The following C12orf75 variants were observed in gnomAD, a reference collection of about 807,000 sequenced individuals.
C12orf75 encodes chromosome 12 open reading frame 75.
Under a neutral mutation model 11.4 loss-of-function variants are expected in C12orf75, and 4 were observed. The ratio of observed to expected loss-of-function variants is 0.35; its 90% CI spans 0.17 to 0.80. C12orf75 has a LOEUF of 0.80. C12orf75 is among the 30% of genes least tolerant of loss of function. The pLI, the probability that C12orf75 is intolerant of heterozygous loss-of-function variation, is 0.52. For synonymous variants in C12orf75, 30 were observed against 30.0 expected, an observed-to-expected ratio of 1.00 and a Z score of 0.00; for missense variants, 89 against 80.4, an observed-to-expected ratio of 1.11 and a Z score of -0.41.
intron 1 of C12orf75, among the ~76,000 whole-genome samples, chr12:105,346,187 C>T (rs1314336682): frequency 2.0e-5 from 3 of 152,116 alleles, no homozygotes; most frequent in African/African-American, 7.2e-5. Flanking sequence ...TGAGTTGTCC[C>T]GGACCAAACC....
At chr12:105,348,489 T>C (rs1287706579) in intron 1 of C12orf75, 113 bp from the exon 2 acceptor site, 8 of 614,532 alleles carry the variant, frequency 1.3e-5, no homozygotes, top group Non-Finnish European at 1.8e-5. Context: ...TTGAAAATTT[T>C]TTTAAACCCA....
At chr12:105,347,702 C>T (rs1892656824) in intron 1 of C12orf75, among the ~76,000 whole-genome samples, 1 of 152,176 alleles carries the variant, frequency 6.6e-6, no homozygotes, top group African/African-American at 2.4e-5. Context: ...TTGTCAGCAC[C>T]CTCACAGACA....
rs1280017694 is a variant in C12orf75 at position 105,366,714 on chromosome 12, C to T, written c.187+18C>T. ...TCGGAAAAGTAAGTGAAATCATGTG[C>T]TGTTGATTTTCCCTAATTATTTATT... On this transcript the variant is annotated intron_variant, in intron 4 of 5. Transcript: ENST00000443585. 1.3e-5 allele frequency: 17 copies of T among 1,339,808 alleles called. No individual in the cohort carries two copies. Among genetic ancestry groups the T allele is most frequent in the Non-Finnish European group, 1.7e-5 (16 of 959,268 alleles). 83.0% of individuals were successfully genotyped at this position (1,339,808 alleles called of 1,614,324 possible).
At chr12:105,354,955 G>C (rs1322750743) in intron 2 of C12orf75, among the ~76,000 whole-genome samples, 1 of 152,104 alleles carries the variant, frequency 6.6e-6, no homozygotes, top group Non-Finnish European at 1.5e-5. Flanking sequence ...GCCTTCTTGG[G>C]AATGATGGGA....
chr12:105,350,491 C>G (rs569081056), intron 2 of C12orf75, among the ~76,000 whole-genome samples: 1 of 152,270 alleles, frequency 6.6e-6, no homozygotes, highest in African/African-American at 2.4e-5. Context: ...TTTCCCTTTC[C>G]CTTTCTGTTT....
chr12:105,365,949 C>T (rs534712789), intron 3 of C12orf75, 107 bp downstream of exon 3: 1 of 792,810 alleles, frequency 1.3e-6, no homozygotes, highest in Non-Finnish European at 2.2e-6. Flanking sequence ...GCCAGGAAAA[C>T]TGTTGGCACA....
At chr12:105,346,065 A>G (rs1892636191) in intron 1 of C12orf75, among the ~76,000 whole-genome samples, 7 of 152,184 alleles carry the variant, frequency 4.6e-5, no homozygotes, top group Admixed American at 4.6e-4. Context: ...AGACAATTCC[A>G]GGAATCAATT....
At chr12:105,347,960 A>T (rs753836331) in intron 1 of C12orf75, among the ~76,000 whole-genome samples, 10 of 152,260 alleles carry the variant, frequency 6.6e-5, no homozygotes, top group South Asian at 2.1e-4. Context: ...TGTTTCTCGA[A>T]GTCTACCAGT....
At chr12:105,363,202 C>G (rs574283274) in intron 2 of C12orf75, among the ~76,000 whole-genome samples, 2 of 152,370 alleles carry the variant, frequency 1.3e-5, no homozygotes, top group South Asian at 4.1e-4. Flanking sequence ...TTCCTCAGGC[C>G]TAGGCCCTCA....
Position 105,371,357 on chromosome 12 carries a change from CATCAT to C in C12orf75, c.*760_*764del, listed in dbSNP as rs1871622449. On this transcript the variant is annotated 3_prime_UTR_variant, in exon 6 of 6. Coordinates refer to ENST00000443585, the MANE Select transcript of C12orf75 (RefSeq NM_001145199.2). ...TGCTCATTCTACATCACGACAATCT[CATCAT>C]ATTATTTCTATAACTTTTCAAGGAC... is the stretch of plus-strand genomic sequence containing the variant. The C allele has an allele frequency of 1.3e-5, 2 of 152,164 alleles. No homozygotes were observed. Among genetic ancestry groups the C allele is most frequent in the Admixed American group, 1.3e-4 (2 of 15,282 alleles). The allele number at this position is 152,164 out of a possible 1,614,324, so 9.4% of individuals were successfully genotyped here.
chr12:105,355,189 T>TCC (rs200562517), intron 2 of C12orf75, among the ~76,000 whole-genome samples: 1 of 139,490 alleles, frequency 7.2e-6, no homozygotes, highest in Non-Finnish European at 1.6e-5. Flanking sequence ...TCTTTTTTTT[T>TCC]TTCAGAGTTT....
intron 2 of C12orf75, among the ~76,000 whole-genome samples, chr12:105,357,805 T>TGTGTGTGG (rs1555265848): frequency 7.0e-6 from 1 of 142,700 alleles, no homozygotes; most frequent in African/African-American, 2.8e-5. Context: ...TGTGTGTGTG[T>TGTGTGTGG]GTGAGAGAGA....
At chr12:105,339,323 A>G (rs768923854) in intron 1 of C12orf75, among the ~76,000 whole-genome samples, 11 of 152,050 alleles carry the variant, frequency 7.2e-5, no homozygotes, top group Non-Finnish European at 1.2e-4. Context: ...ATTATTTCCC[A>G]TAAGAACCAT....
intron 5 of C12orf75, among the ~76,000 whole-genome samples, chr12:105,368,924 A>C (rs891089194): frequency 1.3e-5 from 2 of 152,190 alleles, no homozygotes; most frequent in African/African-American, 4.8e-5. Flanking sequence ...TTTTTAACAT[A>C]GTTCTAGCCC....
intron 2 of C12orf75, among the ~76,000 whole-genome samples, chr12:105,362,384 CAA>C (rs35725967): frequency 2.1e-4 from 4 of 18,740 alleles, no homozygotes; most frequent in Non-Finnish European, 3.3e-4. Context: ...GACTCCGTCT[CAA>C]AAAAAAAAAA....
rs958062231 is a variant in C12orf75, at chr12:105,331,699, C to A, written c.46+762C>A. Among the ~76,000 whole-genome samples the A allele has an allele frequency of 3.9e-5, 6 of 152,210 alleles. No homozygotes were observed. The East Asian group carries it at 1.2e-3, about 29-fold the overall frequency. ...TTCTAGCTTCCCCGGGCCAGCCAGG[C>A]TTTGTGTCAAGTGACTTTTGCCAAA... On this transcript the variant is annotated intron_variant, in intron 1 of 5. Coordinates refer to ENST00000443585, the MANE Select transcript of C12orf75 (RefSeq NM_001145199.2).
At chr12:105,332,035 C>T (rs1892435001) in intron 1 of C12orf75, among the ~76,000 whole-genome samples, 1 of 152,272 alleles carries the variant, frequency 6.6e-6, no homozygotes, top group East Asian at 1.9e-4. Context: ...TGAATTAAAT[C>T]CTGTCCTGGT....
chr12:105,366,784 C>A, intron 4 of C12orf75, 88 bp downstream of exon 4: 1 of 800,838 alleles, frequency 1.2e-6, no homozygotes, highest in Non-Finnish European at 2.1e-6. Context: ...TCAGCTTACT[C>A]GACTCAACCT....
At chr12:105,366,556 T>C in intron 3 of C12orf75, 61 bp from the exon 4 acceptor site, 2 of 776,312 alleles carry the variant, frequency 2.6e-6, no homozygotes, top group South Asian at 3.6e-5. Flanking sequence ...TACTCCGTGC[T>C]TCTGTTGCTT....
Sources: allele counts gnomAD v4.1 joint callset (sites outside exome capture counted in the v4.1 genomes callset), GRCh38; gene constraint gnomAD v4.1.1; transcripts MANE v1.5; gene names NCBI Gene and HGNC (gene_info 2026-07-23, HGNC 2026-07-21).